The following ATG10 variants were observed in gnomAD, a reference collection of about 807,000 sequenced individuals.
ATG10 encodes the protein autophagy related 10, also known as ubiquitin-like-conjugating enzyme ATG10.
In ATG10, 30 loss-of-function variants were observed where a neutral mutation model predicts 32.1. That is an observed-to-expected ratio of 0.94 (90% CI 0.70 to 1.27). ATG10 has a LOEUF of 1.27. Among genes scored for constraint, ATG10 ranks in the 50% most tolerant of loss-of-function variants. The pLI is 0.00. For synonymous variants in ATG10, 87 were observed against 91.5 expected (o/e 0.95, Z 0.28); for missense variants, 233 against 262.3 (o/e 0.89, Z 0.77).
intron 3 of ATG10, among the ~76,000 whole-genome samples, chr5:82,111,149 T>C (rs976454364): frequency 7.9e-5 from 12 of 152,042 alleles, no homozygotes; most frequent in African/African-American, 1.4e-4. Context: ...TTTTATTTTA[T>C]CAAACTTTAT....
intron 5 of ATG10, among the ~76,000 whole-genome samples, chr5:82,240,790 A>G (rs1292575126): frequency 6.6e-6 from 1 of 152,214 alleles, no homozygotes; most frequent in African/African-American, 2.4e-5. Context: ...TACAACTATT[A>G]TATATCCATA....
chr5:82,217,030 G>T (rs981038934), intron 5 of ATG10, among the ~76,000 whole-genome samples: 2 of 149,582 alleles, frequency 1.3e-5, no homozygotes, highest in African/African-American at 5.0e-5. Context: ...ACTCCAGCCT[G>T]GGTGACAGAG....
rs1761961567 is a variant in ATG10 at position 82,005,322 on chromosome 5, TCTCA to T, written c.108+17648_108+17651del. ...TTTTGTTTTGTTTTTTGAGATAGAG[TCTCA>T]CTCTTTCGCCGAGGCTGGAGTGCAG... is the stretch of plus-strand genomic sequence containing the variant. On this transcript the variant is annotated intron_variant, in intron 2 of 7. Coordinates refer to ENST00000282185, the MANE Select transcript of ATG10 (RefSeq NM_031482.5). 3.9e-5 allele frequency among the ~76,000 whole-genome samples: 6 copies of T among 152,346 alleles called. No homozygotes were observed. In the East Asian group the frequency reaches 1.2e-3, roughly 29 times the overall value.
chr5:82,011,237 C>G (rs1280038399), intron 2 of ATG10, among the ~76,000 whole-genome samples: 1 of 152,108 alleles, frequency 6.6e-6, no homozygotes, highest in African/African-American at 2.4e-5. Context: ...ACCTCCGACT[C>G]AGGCCATGAC....
chr5:82,172,039 T>A (rs181203250), intron 4 of ATG10, among the ~76,000 whole-genome samples: 1 of 152,230 alleles, frequency 6.6e-6, no homozygotes, highest in East Asian at 1.9e-4. Context: ...ATGACTACCT[T>A]GAGCTGTGGT....
chr5:82,000,660 CT>C (rs113046446), intron 2 of ATG10, among the ~76,000 whole-genome samples: 7 of 151,762 alleles, frequency 4.6e-5, no homozygotes, highest in African/African-American at 1.7e-4. Context: ...AGTAGCATTT[CT>C]TTTTTTTGTT....
At chr5:82,022,113 T>C (rs1181051193) in intron 2 of ATG10, among the ~76,000 whole-genome samples, 3 of 147,692 alleles carry the variant, frequency 2.0e-5, no homozygotes, top group Admixed American at 6.7e-5. Flanking sequence ...TACTTGAACC[T>C]GGGAGGTGGA....
At position 82,211,992 on chromosome 5, in the gene ATG10, T is replaced by A. The variant is rs1006586644; in HGVS notation, c.453+33405T>A. On this transcript the variant is annotated intron_variant, in intron 5 of 7. Coordinates refer to ENST00000282185, the MANE Select transcript of ATG10 (RefSeq NM_031482.5). ...CTGGAGAAAAATCACACAACCCCCT[T>A]GTCAAGGCTCACTTCAAATGGATGA... Among the ~76,000 whole-genome samples, 4 of 152,204 alleles carry A rather than the reference T, an allele frequency of 2.6e-5. No homozygotes were observed. The East Asian group carries it at 7.7e-4, about 29-fold the overall frequency.
At chr5:82,006,673 G>A (rs1215591253) in intron 2 of ATG10, among the ~76,000 whole-genome samples, 2 of 152,088 alleles carry the variant, frequency 1.3e-5, no homozygotes, top group Non-Finnish European at 2.9e-5. Flanking sequence ...TGCACATAAT[G>A]TAAATTTACC....
At chr5:82,064,413 A>T (rs1279547816) in intron 3 of ATG10, among the ~76,000 whole-genome samples, 1 of 152,086 alleles carries the variant, frequency 6.6e-6, no homozygotes, top group African/African-American at 2.4e-5. Flanking sequence ...CATACCAAAG[A>T]TATGTAGATA....
chr5:82,162,431 G>T (rs1033792181), intron 3 of ATG10, among the ~76,000 whole-genome samples: 3 of 152,178 alleles, frequency 2.0e-5, no homozygotes, highest in Admixed American at 2.0e-4. Context: ...AGACATTTTT[G>T]CTGGGAATAT....
In ATG10 at chr5:82,107,450, A is replaced by G. The variant is rs137949191; in HGVS notation, c.216+48848A>G. Among the ~76,000 whole-genome samples, 20 of 152,188 alleles carry G rather than the reference A, an allele frequency of 1.3e-4. No homozygotes were observed. The East Asian group carries it at 3.9e-3, about 29-fold the overall frequency. ...TACTTCTTTGTGGTGTTATTGTTCA[A>G]CATTCTTAAGTTGCTTCTGCAAAGC... On this transcript the variant is annotated intron_variant, in intron 3 of 7. Transcript: ENST00000282185.
chr5:82,106,298 T>A (rs147803725), intron 3 of ATG10, among the ~76,000 whole-genome samples: 163 of 152,316 alleles, frequency 1.1e-3, no homozygotes, highest in East Asian at 9.8e-3. Flanking sequence ...TACCATCTTT[T>A]ACCTCAGTAA....
chr5:82,061,919 T>A (rs1195264189), intron 3 of ATG10, among the ~76,000 whole-genome samples: 1 of 149,348 alleles, frequency 6.7e-6, no homozygotes, highest in Non-Finnish European at 1.5e-5. Flanking sequence ...ATCATCTAAT[T>A]CCTGGGCTCA....
intron 3 of ATG10, among the ~76,000 whole-genome samples, chr5:82,119,801 C>T (rs781726112): frequency 6.6e-6 from 1 of 152,126 alleles, no homozygotes; most frequent in Non-Finnish European, 1.5e-5. Flanking sequence ...ATAAATACCA[C>T]AATCTTGTTT....
At chr5:82,191,629 C>T (rs1744665724) in intron 5 of ATG10, among the ~76,000 whole-genome samples, 1 of 152,120 alleles carries the variant, frequency 6.6e-6, no homozygotes. Flanking sequence ...AACTCAGATG[C>T]CATACTAGGG....
intron 2 of ATG10, among the ~76,000 whole-genome samples, chr5:82,022,439 C>T (rs145881815): frequency 0.072 from 10,796 of 150,386 alleles, 1,260 homozygotes; most frequent in African/African-American, 0.25. Context: ...AGCAATTCTC[C>T]TGCCTCAGCC....
intron 3 of ATG10, among the ~76,000 whole-genome samples, chr5:82,114,094 A>C (rs170509): frequency 6.6e-6 from 1 of 151,824 alleles, no homozygotes; most frequent in Non-Finnish European, 1.5e-5. Flanking sequence ...TGCGACTGTG[A>C]TGTAAGAGGG....
At chr5:82,148,709 G>A (rs1413502212) in intron 3 of ATG10, among the ~76,000 whole-genome samples, 1 of 151,938 alleles carries the variant, frequency 6.6e-6, no homozygotes, top group Non-Finnish European at 1.5e-5. Flanking sequence ...ATATGCATTT[G>A]AAATTTATTT....
Sources: gnomAD v4.1 joint callset for allele counts (sites outside exome capture counted in the v4.1 genomes callset) on GRCh38, gnomAD v4.1.1 for gene constraint, MANE v1.5 for transcripts, NCBI Gene and HGNC (gene_info 2026-07-23, HGNC 2026-07-21) for gene names.